MTNR1A: variants seen among roughly 807,000 people sequenced by gnomAD.
The protein encoded by MTNR1A is melatonin receptor type 1A.
Under a neutral mutation model 5.5 loss-of-function variants are expected in MTNR1A, and 7 were observed. That is an observed-to-expected ratio of 1.28 (90% CI 0.73 to 2.40). MTNR1A has a LOEUF of 2.40. MTNR1A is among the 30% of genes most tolerant of loss of function. The pLI is 0.00. For synonymous variants in MTNR1A, 196 were observed against 202.7 expected (o/e 0.97, Z 0.28); for missense variants, 441 against 464.4 (o/e 0.95, Z 0.46).
At chr4:186,541,136 GA>G (rs1287456810) in intron 1 of MTNR1A, among the ~76,000 whole-genome samples, 2 of 152,084 alleles carry the variant, frequency 1.3e-5, no homozygotes, top group Non-Finnish European at 2.9e-5. Context: ...GAATAAGAAA[GA>G]AAAAAACCTT....
intron 1 of MTNR1A, among the ~76,000 whole-genome samples, chr4:186,549,595 T>A (rs1737226207): frequency 6.6e-6 from 1 of 152,242 alleles, no homozygotes; most frequent in Non-Finnish European, 1.5e-5. Flanking sequence ...ACCAGCCAAC[T>A]TTCGCATTTC....
chr4:186,547,918 C>A (rs1737191546), intron 1 of MTNR1A, among the ~76,000 whole-genome samples: 1 of 152,152 alleles, frequency 6.6e-6, no homozygotes, highest in African/African-American at 2.4e-5. Context: ...CAGTGACTGT[C>A]TTCTGAGAAG....
At position 186,534,478 on chromosome 4, in the gene MTNR1A, T is replaced by C. The variant is rs2111364030; in HGVS notation, c.264A>G (p.Ile88Met). The C allele has an allele frequency of 1.2e-6, 2 of 1,614,102 alleles. No homozygotes were observed. Among genetic ancestry groups the C allele is most frequent in the East Asian group, 4.5e-5 (2 of 44,878 alleles). The change falls in exon 2 of 2, where the codon ATA becomes ATG. Residue 88 changes from isoleucine (I) to methionine (M), a missense_variant. Coordinates refer to ENST00000307161, the MANE Select transcript of MTNR1A (RefSeq NM_005958.4). ...IYPYPLVLMS[I>M]FNNGWNLGYL... ...AGCCCAGGTTCCACCCGTTGTTAAATATCGACATCAGCACCAACGGGTACG... is the reference window on the plus strand; with the variant it reads ...AGCCCAGGTTCCACCCGTTGTTAAACATCGACATCAGCACCAACGGGTACG...
intron 1 of MTNR1A, among the ~76,000 whole-genome samples, chr4:186,552,855 T>A (rs1349118126): frequency 7.9e-5 from 12 of 152,218 alleles, no homozygotes; most frequent in Admixed American, 7.9e-4. Flanking sequence ...TCACTTCTAT[T>A]ATCAAATTGT....
At chr4:186,536,919 C>T (rs1001022974) in intron 1 of MTNR1A, among the ~76,000 whole-genome samples, 5 of 152,200 alleles carry the variant, frequency 3.3e-5, no homozygotes, top group Non-Finnish European at 7.3e-5. Flanking sequence ...ATGTGAAATT[C>T]TGTTCCAAAT....
At position 186,533,697 on chromosome 4, in the gene MTNR1A, A is replaced by G. The variant is rs1332083867; in HGVS notation, c.1045T>C (p.Ser349Pro). 6.2e-7 allele frequency: 1 copy of G among 1,614,086 alleles called. No individual in the cohort carries two copies. The highest frequency in any genetic ancestry group is 8.5e-7 in the Non-Finnish European group (1 of 1,180,036). ...CGGAACGTGGTGCTTTTTTAAACGG[A>G]GTCCACCTTTACTACATTATTGTTG... is the stretch of plus-strand genomic sequence containing the variant. ...MTNNNVVKVD[S>P]V The change falls in exon 2 of 2, where the codon TCC becomes CCC. Residue 349 changes from serine to proline, a missense_variant. Transcript: ENST00000307161.
intron 1 of MTNR1A, among the ~76,000 whole-genome samples, chr4:186,548,414 G>A (rs1484409508): frequency 2.0e-5 from 3 of 151,978 alleles, no homozygotes; most frequent in African/African-American, 7.2e-5. Flanking sequence ...CTATTTTTAT[G>A]TACTTACAGA....
Position 186,555,079 on chromosome 4 carries a change from G to T in MTNR1A, c.184+103C>A. On this transcript the variant is annotated intron_variant, in intron 1 of 1. Coordinates refer to ENST00000307161, the MANE Select transcript of MTNR1A (RefSeq NM_005958.4). The surrounding 1 kb of genome is among the most constrained non-coding windows in gnomAD (Gnocchi z 4.1). ...TAACAGGAAAAATAACTCCAAGTCC[G>T]CAGTGTTTAGGAAAAAGAACCAAGT... The T allele has an allele frequency of 6.4e-6, 8 of 1,244,312 alleles. No individual in the cohort carries two copies. Among genetic ancestry groups the T allele is most frequent in the Non-Finnish European group, 9.2e-6 (8 of 872,108 alleles). The allele number at this position is 1,244,312 out of a possible 1,614,324, so 77.1% of individuals were successfully genotyped here.
rs116332160 is a variant in MTNR1A, at chr4:186,545,491, T to G, written c.184+9691A>C. On this transcript the variant is annotated intron_variant, in intron 1 of 1. Coordinates refer to ENST00000307161, the MANE Select transcript of MTNR1A (RefSeq NM_005958.4). Reference sequence around the variant, plus strand: ...AGCACAGAGCCTGGCCCATATTAGGTGCTCGGAAATAATTTGCTGATTGAA... The same window carrying G: ...AGCACAGAGCCTGGCCCATATTAGGGGCTCGGAAATAATTTGCTGATTGAA... 5.2e-3 allele frequency among the ~76,000 whole-genome samples: 790 copies of G among 152,284 alleles called. 17 individuals carry two copies. The highest frequency in any genetic ancestry group is 0.018 in the African/African-American group (756 of 41,570).
intron 1 of MTNR1A, among the ~76,000 whole-genome samples, chr4:186,535,111 T>G (rs1736816927): frequency 6.6e-6 from 1 of 152,170 alleles, no homozygotes; most frequent in African/African-American, 2.4e-5. Flanking sequence ...GGCAAGTTAC[T>G]TGATCTCCCC....
At chr4:186,537,891 C>T (rs1473516660) in intron 1 of MTNR1A, among the ~76,000 whole-genome samples, 1 of 152,242 alleles carries the variant, frequency 6.6e-6, no homozygotes, top group Non-Finnish European at 1.5e-5. Context: ...ACACCTAAGT[C>T]AGTATGCTGG....
intron 1 of MTNR1A, among the ~76,000 whole-genome samples, chr4:186,541,385 C>T (rs1320425696): frequency 6.6e-6 from 1 of 151,264 alleles, no homozygotes; most frequent in Admixed American, 6.6e-5. Flanking sequence ...GTCAGCTAGA[C>T]CAGGGGTCCC....
At chr4:186,550,495 G>T (rs374533214) in intron 1 of MTNR1A, among the ~76,000 whole-genome samples, 79 of 152,344 alleles carry the variant, frequency 5.2e-4, no homozygotes, top group African/African-American at 1.9e-3. Context: ...TGCTAAGGAA[G>T]AATGGGCAGA....
At chr4:186,542,776 G>A (rs1214874234) in intron 1 of MTNR1A, among the ~76,000 whole-genome samples, 1 of 152,108 alleles carries the variant, frequency 6.6e-6, no homozygotes, top group African/African-American at 2.4e-5. Context: ...GTTCCCAAGG[G>A]AGCAATGCTT....
rs1196979285 is a variant in MTNR1A at position 186,534,266 on chromosome 4, A to T, written c.476T>A (p.Val159Asp). 7 of 1,614,152 alleles carry T rather than the reference A, an allele frequency of 4.3e-6. No homozygotes were observed. The part of the protein sequence containing the change: ...LLIWLLTLAA[V>D]LPNLRAGTLQ... ...AGTCCCTGCACGGAGGTTGGGCAGGACGGCCGCCAGCGTCAGGAGCCATAT... is the reference window on the plus strand; with the variant it reads ...AGTCCCTGCACGGAGGTTGGGCAGGTCGGCCGCCAGCGTCAGGAGCCATAT... The change falls in exon 2 of 2, where the codon GTC becomes GAC. Residue 159 changes from valine (V) to aspartate (D), a missense_variant. Transcript: ENST00000307161.
At chr4:186,546,415 C>T (rs542145644) in intron 1 of MTNR1A, among the ~76,000 whole-genome samples, 36 of 152,118 alleles carry the variant, frequency 2.4e-4, no homozygotes, top group African/African-American at 7.5e-4. Flanking sequence ...TGCATCACCC[C>T]GCAATGCCCA....
At chr4:186,535,456 G>C (rs1346606925) in intron 1 of MTNR1A, among the ~76,000 whole-genome samples, 1 of 151,554 alleles carries the variant, frequency 6.6e-6, no homozygotes, top group African/African-American at 2.4e-5. Flanking sequence ...CTGTCACCCA[G>C]TCTGGAGTGC....
intron 1 of MTNR1A, among the ~76,000 whole-genome samples, chr4:186,548,245 G>C (rs1373521568): frequency 1.3e-5 from 2 of 151,898 alleles, no homozygotes; most frequent in African/African-American, 4.8e-5. Flanking sequence ...ACTCTAAATT[G>C]CTAAATCCAA....
chr4:186,535,498 G>A (rs535197625), intron 1 of MTNR1A, among the ~76,000 whole-genome samples: 6 of 151,952 alleles, frequency 3.9e-5, no homozygotes, highest in South Asian at 4.2e-4. Flanking sequence ...TGCAACCTCC[G>A]CCTGCAGGGC....
Sources: allele counts gnomAD v4.1 joint callset (sites outside exome capture counted in the v4.1 genomes callset), GRCh38; gene constraint gnomAD v4.1.1; non-coding constraint Gnocchi (gnomAD v3.1); transcripts MANE v1.5; gene names NCBI Gene and HGNC (gene_info 2026-07-23, HGNC 2026-07-21).